The following TGFBI variants were observed in gnomAD, a reference collection of about 807,000 sequenced individuals.
TGFBI encodes transforming growth factor-beta-induced protein ig-h3.
A neutral mutation model predicts 73.7 loss-of-function variants in TGFBI; 50 were observed. The ratio of observed to expected loss-of-function variants is 0.68; its 90% CI spans 0.54 to 0.86. The LOEUF (loss-of-function observed/expected upper bound fraction) is 0.86. TGFBI is among the 40% of genes least tolerant of loss of function. TGFBI has a pLI of 0.00. For synonymous variants in TGFBI, 362 were observed against 360.5 expected (o/e 1.00, Z -0.05); for missense variants, 839 against 877.0 (o/e 0.96, Z 0.55).
At chr5:136,030,219 C>T (rs913538436) in intron 1 of TGFBI, among the ~76,000 whole-genome samples, 8 of 152,194 alleles carry the variant, frequency 5.3e-5, no homozygotes, top group African/African-American at 1.9e-4. Context: ...GGCGTTCACA[C>T]CCACAAGCAA....
chr5:136,041,396 G>C (rs1459625409), intron 2 of TGFBI, among the ~76,000 whole-genome samples: 2 of 152,338 alleles, frequency 1.3e-5, no homozygotes, highest in African/African-American at 4.8e-5. Flanking sequence ...GTGGGACATG[G>C]GTGCTGAAAG....
At chr5:136,037,581 C>T (rs1751251297) in intron 2 of TGFBI, among the ~76,000 whole-genome samples, 1 of 152,120 alleles carries the variant, frequency 6.6e-6, no homozygotes, top group South Asian at 2.1e-4. Flanking sequence ...ATAGGGAGGG[C>T]TGGTGGAGGA....
rs142538251 is a variant in TGFBI at position 136,029,961 on chromosome 5, G to C, written c.134+772G>C. Among the ~76,000 whole-genome samples, 31 of 152,286 alleles carry C rather than the reference G, an allele frequency of 2.0e-4. No homozygotes were observed. In the East Asian group the frequency reaches 6.0e-3, roughly 29 times the overall value. ...AATTCCTTTGAGACCCTGAAGATGT[G>C]TTGGCTTTAGGAGACAAACTCAAGC... On this transcript the variant is annotated intron_variant, in intron 1 of 16. Transcript: ENST00000442011.
At chr5:136,032,645 C>T (rs551936421) in intron 1 of TGFBI, among the ~76,000 whole-genome samples, 2 of 152,224 alleles carry the variant, frequency 1.3e-5, no homozygotes, top group African/African-American at 4.8e-5. Flanking sequence ...TGTGAAAGCC[C>T]TCAGTATTGT....
Position 136,047,364 on chromosome 5 carries a change from A to G in TGFBI, c.715A>G (p.Ile239Val), listed in dbSNP as rs1751450009. 1.2e-6 allele frequency: 2 copies of G among 1,613,884 alleles called. No individual in the cohort carries two copies. The highest frequency in any genetic ancestry group is 1.3e-5 in the African/African-American group (1 of 75,022). Reference sequence around the variant, plus strand: ...CCTCATCGATAAGGTCATCTCCACCATCACCAACAACATCCAGCAGATCAT... The same window carrying G: ...CCTCATCGATAAGGTCATCTCCACCGTCACCAACAACATCCAGCAGATCAT... ...VHLIDKVIST[I>V]TNNIQQIIEI... Residue 239 changes from isoleucine (I) to valine (V), a missense_variant, in exon 6 of 17, where the codon ATC becomes GTC. Physicochemically the swap from Ile to Val is conservative, Grantham distance 29. Transcript: ENST00000442011.
chr5:136,029,241 C>A (rs1028481233), intron 1 of TGFBI, 52 bp downstream of exon 1: 1 of 1,417,988 alleles, frequency 7.1e-7, no homozygotes, highest in Non-Finnish European at 9.2e-7. Context: ...AGTCGGGGCT[C>A]GGAGCGCAAG....
At chr5:136,048,624 G>GTC (rs1028996522) in intron 6 of TGFBI, 1 of 152,320 alleles carries the variant, frequency 6.6e-6, no homozygotes, top group Non-Finnish European at 1.5e-5. Context: ...GGATTGGAAA[G>GTC]TCAGGGAGTT....
At chr5:136,035,938 G>A (rs2237068) in intron 2 of TGFBI, among the ~76,000 whole-genome samples, 3,128 of 152,260 alleles carry the variant, frequency 0.021, 94 homozygotes, top group East Asian at 0.083. Flanking sequence ...CCGCTGGGCT[G>A]AAGCATTTGC....
rs182711151 is a variant in TGFBI at position 136,031,449 on chromosome 5, C to T, written c.134+2260C>T. 2.2e-4 allele frequency among the ~76,000 whole-genome samples: 33 copies of T among 152,322 alleles called. No individual in the cohort carries two copies. In the East Asian group the frequency reaches 5.0e-3, roughly 23 times the overall value. ...TTGCTTGTGCGCAGCACTCGATTGC[C>T]GCTTTTGCTTTCGACCTCACCACAA... On this transcript the variant is annotated intron_variant, in intron 1 of 16. Transcript: ENST00000442011.
At chr5:136,045,098 T>C (rs1751404835) in intron 3 of TGFBI, among the ~76,000 whole-genome samples, 1 of 152,158 alleles carries the variant, frequency 6.6e-6, no homozygotes, top group Non-Finnish European at 1.5e-5. Context: ...GTATTGGCTA[T>C]TTTTTTAGTT....
chr5:136,040,559 A>C (rs1344395891), intron 2 of TGFBI, among the ~76,000 whole-genome samples: 1 of 152,196 alleles, frequency 6.6e-6, no homozygotes, highest in African/African-American at 2.4e-5. Context: ...CCCTGCCACC[A>C]TCTGGGGAAA....
chr5:136,056,476 A>G (rs1580720763), intron 11 of TGFBI, 189 bp from the exon 12 acceptor site: 1 of 658,482 alleles, frequency 1.5e-6, no homozygotes, highest in East Asian at 2.9e-5. Context: ...GGGTGGAGAG[A>G]GCTGGAGCCT....
intron 1 of TGFBI, among the ~76,000 whole-genome samples, chr5:136,031,430 G>A (rs541327598): frequency 6.6e-6 from 1 of 152,360 alleles, no homozygotes; most frequent in Non-Finnish European, 1.5e-5. Context: ...TGCCTTGCTT[G>A]TGCGCAGCAC....
chr5:136,038,351 A>C (rs749284226), intron 2 of TGFBI, among the ~76,000 whole-genome samples: 2 of 152,230 alleles, frequency 1.3e-5, no homozygotes, highest in Non-Finnish European at 2.9e-5. Context: ...GTGTGATTAA[A>C]TTAAGGATCA....
chr5:136,060,739 A>G, intron 13 of TGFBI, 95 bp from the exon 14 acceptor site: 1 of 1,017,604 alleles, frequency 9.8e-7, no homozygotes, highest in South Asian at 2.1e-5. Flanking sequence ...AAAAAACGAA[A>G]ACTGTTCAGT....
rs758790609 is a variant in TGFBI, at chr5:136,054,095, G to C, written c.1264+15G>C. The C allele has an allele frequency of 2.5e-6, 4 of 1,610,256 alleles. No homozygotes were observed. Among genetic ancestry groups the C allele is most frequent in the African/African-American group, 1.3e-5 (1 of 74,952 alleles). ...TGTATTCAAAGGTAACATGGGGAAGGCATCCCTGTTAGATTGTCCCTGGAG... is the reference window on the plus strand; with the variant it reads ...TGTATTCAAAGGTAACATGGGGAAGCCATCCCTGTTAGATTGTCCCTGGAG... On this transcript the variant is annotated intron_variant, in intron 9 of 16. Coordinates refer to ENST00000442011, the MANE Select transcript of TGFBI (RefSeq NM_000358.3).
intron 2 of TGFBI, among the ~76,000 whole-genome samples, chr5:136,040,970 C>T (rs1751322549): frequency 6.6e-6 from 1 of 152,234 alleles, no homozygotes; most frequent in Admixed American, 6.5e-5. Flanking sequence ...GAGCAGGCCA[C>T]TGCCAGCCCA....
chr5:136,045,865 T>C (rs1341080673), intron 3 of TGFBI: 1 of 152,530 alleles, frequency 6.6e-6, no homozygotes, highest in Non-Finnish European at 1.5e-5. Context: ...AGAAACCCCT[T>C]CTAAACTTCA....
chr5:136,058,932 G>C, intron 12 of TGFBI, 158 bp from the exon 13 acceptor site: 2 of 862,406 alleles, frequency 2.3e-6, no homozygotes, highest in Non-Finnish European at 1.7e-6. Flanking sequence ...GGGTCACAAC[G>C]TTGAGTATAC....
Sources: allele counts gnomAD v4.1 joint callset (sites outside exome capture counted in the v4.1 genomes callset), GRCh38; gene constraint gnomAD v4.1.1; transcripts MANE v1.5; gene names NCBI Gene and HGNC (gene_info 2026-07-23, HGNC 2026-07-21).